The following FBXO45 variants were observed in gnomAD, a reference collection of about 807,000 sequenced individuals.
FBXO45 encodes F-box/SPRY domain-containing protein 1.
FBXO45 carries 3 observed loss-of-function variants against 25.5 expected under a neutral mutation model. The ratio of observed to expected loss-of-function variants is 0.12; its 90% CI spans 0.05 to 0.30. The LOEUF (loss-of-function observed/expected upper bound fraction) is 0.30, where lower values mean the gene tolerates loss of function less well. Ranked by LOEUF, FBXO45 falls within the 10% of genes least tolerant of loss-of-function variation. FBXO45 has a pLI of 1.00. For synonymous variants in FBXO45, 155 were observed against 149.8 expected, an observed-to-expected ratio of 1.03 and a Z score of -0.25; for missense variants, 219 against 365.0, an observed-to-expected ratio of 0.60 and a Z score of 3.26.
intron 2 of FBXO45, among the ~76,000 whole-genome samples, chr3:196,580,250 T>C (rs528250769): frequency 6.7e-6 from 1 of 149,508 alleles, no homozygotes; most frequent in South Asian, 2.2e-4. Flanking sequence ...TTGTTGCCCA[T>C]GCTGGAGTGC....
chr3:196,577,926 T>G (rs1299193444), intron 2 of FBXO45, 117 bp downstream of exon 2: 1 of 580,920 alleles, frequency 1.7e-6, no homozygotes, highest in Non-Finnish European at 2.6e-6. Context: ...TTTATTTTTA[T>G]TATTTTTTTA....
chr3:196,570,900 A>G (rs1735813196), intron 1 of FBXO45, among the ~76,000 whole-genome samples: 1 of 151,818 alleles, frequency 6.6e-6, no homozygotes, highest in Non-Finnish European at 1.5e-5. Context: ...TTCAGTAGAG[A>G]CAGGGTTTCA....
At chr3:196,577,063 A>G (rs1735926138) in intron 1 of FBXO45, among the ~76,000 whole-genome samples, 2 of 152,146 alleles carry the variant, frequency 1.3e-5, no homozygotes, top group East Asian at 3.8e-4. Context: ...GTCTAGTTTC[A>G]TGTTTCTATT....
intron 1 of FBXO45, among the ~76,000 whole-genome samples, chr3:196,576,481 A>G (rs1362219722): frequency 6.6e-6 from 1 of 152,194 alleles, no homozygotes; most frequent in African/African-American, 2.4e-5. Context: ...CAAGGAGTTC[A>G]AGGCTGCAGT....
At chr3:196,580,772 C>T (rs1289709317) in intron 2 of FBXO45, among the ~76,000 whole-genome samples, 6 of 151,688 alleles carry the variant, frequency 4.0e-5, no homozygotes, top group South Asian at 2.1e-4. Context: ...TAGATAATTT[C>T]TTTTCCTTTT....
chr3:196,576,614 A>G (rs1735917899), intron 1 of FBXO45, among the ~76,000 whole-genome samples: 2 of 152,274 alleles, frequency 1.3e-5, no homozygotes, highest in South Asian at 4.1e-4. Context: ...TTGTTTGTAT[A>G]GAAGAGCTAT....
chr3:196,583,903 G>A (rs925461985), intron 2 of FBXO45, among the ~76,000 whole-genome samples: 2 of 152,094 alleles, frequency 1.3e-5, no homozygotes, highest in African/African-American at 2.4e-5. Flanking sequence ...CAATCCGCCC[G>A]CCTCAGCCTC....
chr3:196,568,997 G>A lies in FBXO45; in HGVS notation c.13G>A (p.Ala5Thr), dbSNP rs1256990694. 3.0e-6 allele frequency: 3 copies of A among 992,504 alleles called. No homozygotes were observed. The highest frequency in any genetic ancestry group is 3.5e-5 in the African/African-American group (2 of 56,960). 61.5% of individuals were successfully genotyped at this position (992,504 alleles called of 1,614,324 possible). ...GGCTGGTGAGGCGATGGCGGCGCCG[G>A]CCCCGGGGGCTGGGGCAGCCTCGGG... MAAP[A>T]PGAGAASGGA... is the part of the protein sequence containing the mutation. The change falls in exon 1 of 3, where the codon GCC becomes ACC. Residue 5 changes from alanine (A) to threonine (T), a missense_variant. Physicochemically the swap from Ala to Thr is moderately conservative, Grantham distance 58 (BLOSUM62 0). Transcript: ENST00000311630.
chr3:196,569,044 C>CGGCGCG lies in FBXO45; in HGVS notation c.76_81dup (p.Ala26_Gly27dup), dbSNP rs781023121. The CGGCGCG allele has an allele frequency of 1.2e-4, 132 of 1,089,566 alleles. No homozygotes were observed. Among genetic ancestry groups the CGGCGCG allele is most frequent in the South Asian group, 7.3e-4 (17 of 23,288 alleles). 67.5% of individuals were successfully genotyped at this position (1,089,566 alleles called of 1,614,324 possible). ...CGGGCGGCGCTGGCTGTAGCGGCGG[C>CGGCGCG]GGCGCGGGCGCGGGCGCGGGCTCGG... On this transcript the variant is annotated inframe_insertion, in exon 1 of 3. Transcript: ENST00000311630. The surrounding 1 kb of genome is among the most constrained non-coding windows in gnomAD (Gnocchi z 4.1).
Position 196,568,834 on chromosome 3 carries a change from G to A in FBXO45, c.-151G>A. On this transcript the variant is annotated 5_prime_UTR_variant, in exon 1 of 3. Coordinates refer to ENST00000311630, the MANE Select transcript of FBXO45 (RefSeq NM_001105573.2). ...CGGGGCGCGCGGCGGACGCCCCCGG[G>A]CAGGGGCGGGAGTGGTGGAGGCGCC... The A allele has an allele frequency of 4.8e-6, 2 of 419,548 alleles. No homozygotes were observed. Among genetic ancestry groups the A allele is most frequent in the Non-Finnish European group, 6.4e-6 (2 of 312,528 alleles). The allele number at this position is 419,548 out of a possible 1,614,324, so 26.0% of individuals were successfully genotyped here. A position where few individuals can be genotyped will look rare whatever the true frequency, so the allele number is the denominator to read the frequency against.
intron 2 of FBXO45, among the ~76,000 whole-genome samples, chr3:196,578,143 C>G (rs1445470863): frequency 6.6e-6 from 1 of 150,936 alleles, no homozygotes; most frequent in Admixed American, 6.6e-5. Flanking sequence ...CAGGTTCAAG[C>G]AATTCTCTGC....
Position 196,586,117 on chromosome 3 carries a change from G to A in FBXO45, c.*1799G>A, listed in dbSNP as rs1018564682. On this transcript the variant is annotated 3_prime_UTR_variant, in exon 3 of 3. Transcript: ENST00000311630. The stretch of plus-strand genomic sequence containing the variant: ...TGTATTAGAGAATGTAGGTGGTATA[G>A]AAATTGATTTTTCTTGGTGTAGAAC... 1 of 152,214 alleles carries A rather than the reference G, an allele frequency of 6.6e-6. No homozygotes were observed. The highest frequency in any genetic ancestry group is 1.5e-5 in the Non-Finnish European group (1 of 68,032). 9.4% of individuals were successfully genotyped at this position (152,214 alleles called of 1,614,324 possible).
Position 196,586,280 on chromosome 3 carries a change from T to C in FBXO45, c.*1962T>C, listed in dbSNP as rs1022143036. 5 of 152,218 alleles carry C rather than the reference T, an allele frequency of 3.3e-5. No individual in the cohort carries two copies. Among genetic ancestry groups the C allele is most frequent in the Admixed American group, 1.3e-4 (2 of 15,278 alleles). The allele number at this position is 152,218 out of a possible 1,614,324, so 9.4% of individuals were successfully genotyped here. A position where few individuals can be genotyped will look rare whatever the true frequency, so the allele number is the denominator to read the frequency against. On this transcript the variant is annotated 3_prime_UTR_variant, in exon 3 of 3. Transcript: ENST00000311630. Reference sequence around the variant, plus strand: ...TGTGATGTGGCCATTCCGAATTTTGTTGAGAGTTTGGTTTATAATTGTCTC... The same window carrying C: ...TGTGATGTGGCCATTCCGAATTTTGCTGAGAGTTTGGTTTATAATTGTCTC...
At chr3:196,570,279 T>C (rs1262139110) in intron 1 of FBXO45, among the ~76,000 whole-genome samples, 2 of 144,760 alleles carry the variant, frequency 1.4e-5, no homozygotes, top group Non-Finnish European at 3.0e-5. Flanking sequence ...TTTTTTTTTT[T>C]TGAGACGGAG....
intron 1 of FBXO45, among the ~76,000 whole-genome samples, chr3:196,576,742 A>G (rs191555621): frequency 7.2e-5 from 11 of 152,308 alleles, no homozygotes; most frequent in Middle Eastern, 3.4e-3. Context: ...GATGCTATCT[A>G]AGGGATTATT....
In FBXO45 at chr3:196,587,757, G is replaced by A. The variant is rs1485159985; in HGVS notation, c.*3439G>A. 4 of 152,072 alleles carry A rather than the reference G, an allele frequency of 2.6e-5. No individual in the cohort carries two copies. Among genetic ancestry groups the A allele is most frequent in the Non-Finnish European group, 5.9e-5 (4 of 68,012 alleles). 9.4% of individuals were successfully genotyped at this position (152,072 alleles called of 1,614,324 possible). ...AATTTTTTTTTGTTATTTTGAAGAA[G>A]TGAGTAATTTGAAGAGATAGAAACT... On this transcript the variant is annotated 3_prime_UTR_variant, in exon 3 of 3. Coordinates refer to ENST00000311630, the MANE Select transcript of FBXO45 (RefSeq NM_001105573.2).
intron 1 of FBXO45, among the ~76,000 whole-genome samples, chr3:196,570,615 A>G (rs1220853068): frequency 6.6e-6 from 1 of 152,078 alleles, no homozygotes; most frequent in Non-Finnish European, 1.5e-5. Flanking sequence ...AGCATGTAAA[A>G]TTTATACTTA....
rs1577597329 is a variant in FBXO45 at position 196,577,663 on chromosome 3, C to T, written c.529C>T (p.Arg177Trp). The change falls in exon 2 of 3, where the codon CGG becomes TGG. Residue 177 changes from arginine (R) to tryptophan (W), a missense_variant. Physicochemically the swap from Arg to Trp is moderately radical, Grantham distance 101. This residue lies in a region of FBXO45 where 31 missense variants were observed against 107.2 expected (regional missense o/e 0.29). Coordinates refer to ENST00000311630, the MANE Select transcript of FBXO45 (RefSeq NM_001105573.2). ...TVAVIGIATKRAPMQCQGYVA... is the reference protein window; with the variant it reads ...TVAVIGIATKWAPMQCQGYVA... Reference sequence around the variant, plus strand: ...GGCAGTGATTGGAATTGCCACAAAACGGGCCCCCATGCAGTGCCAAGGTTA... The same window carrying T: ...GGCAGTGATTGGAATTGCCACAAAATGGGCCCCCATGCAGTGCCAAGGTTA... 2.5e-6 allele frequency: 4 copies of T among 1,613,624 alleles called. No individual in the cohort carries two copies. The highest frequency in any genetic ancestry group is 2.5e-6 in the Non-Finnish European group (3 of 1,179,682).
At chr3:196,578,590 C>G (rs994031129) in intron 2 of FBXO45, among the ~76,000 whole-genome samples, 2 of 151,716 alleles carry the variant, frequency 1.3e-5, no homozygotes, top group Admixed American at 1.3e-4. Context: ...AAGCAGTCAT[C>G]GATAATACGT....
Sources: allele counts gnomAD v4.1 joint callset (sites outside exome capture counted in the v4.1 genomes callset), GRCh38; gene constraint gnomAD v4.1.1; regional missense constraint gnomAD v4.1.1; non-coding constraint Gnocchi (gnomAD v3.1); transcripts MANE v1.5; gene names NCBI Gene and HGNC (gene_info 2026-07-23, HGNC 2026-07-21).